PDZD4: variants seen among roughly 807,000 people sequenced by gnomAD.
PDZD4 encodes the protein PDZ domain-containing protein 4.
A neutral mutation model predicts 38.5 loss-of-function variants in PDZD4; 9 were observed. That is an observed-to-expected ratio of 0.23 (90% CI 0.14 to 0.41). PDZD4 has a LOEUF of 0.41. PDZD4 is among the 10% of genes least tolerant of loss of function. The pLI, the probability that PDZD4 is intolerant of heterozygous loss-of-function variation, is 1.00. For missense variants in PDZD4, 612 were observed against 722.0 expected (o/e 0.85, Z 1.75); for synonymous variants, 349 against 315.7 (o/e 1.11, Z -1.12).
At chrX:153,830,079 G>A in intron 1 of PDZD4, 160 bp downstream of exon 1, 1 of 563,907 alleles carries the variant, frequency 1.8e-6, no homozygotes, top group Non-Finnish European at 2.5e-6. Flanking sequence ...CCCACGGAGC[G>A]CCAACACCCA....
chrX:153,817,984 G>C (rs1207389934), intron 1 of PDZD4, among the ~76,000 whole-genome samples: 1 of 112,528 alleles, frequency 8.9e-6, no homozygotes, highest in Non-Finnish European at 1.9e-5. Context: ...GGTGGCTCAA[G>C]CCTGTAGTCC....
At chrX:153,808,157 G>C (rs1557077774) in intron 2 of PDZD4, 185 bp downstream of exon 2, 1 of 1,074,476 alleles carries the variant, frequency 9.3e-7, no homozygotes, top group Admixed American at 3.9e-5. Flanking sequence ...TAGATACAAC[G>C]GGGCGCCTGC....
At chrX:153,823,487 G>A (rs2064448878) in intron 1 of PDZD4, among the ~76,000 whole-genome samples, 1 of 109,944 alleles carries the variant, frequency 9.1e-6, no homozygotes, top group South Asian at 3.9e-4. Flanking sequence ...CAAAGTGCTG[G>A]GATTACAGGC....
chrX:153,830,232 G>A lies in PDZD4; in HGVS notation c.60+7C>T, dbSNP rs1557083480. On this transcript the variant is annotated splice_region_variant and intron_variant, in intron 1 of 7. Coordinates refer to ENST00000393758, the MANE Select transcript of PDZD4 (RefSeq NM_001303512.2). ...CCGCGCCCCCGCCGCAGCGCCGGCG[G>A]CCCTACCTGCAGCATCACTTTGTAC... 2 of 1,193,706 alleles carry A rather than the reference G, an allele frequency of 1.7e-6. No homozygotes were observed. Among genetic ancestry groups the A allele is most frequent in the Admixed American group, 2.2e-5 (1 of 44,717 alleles).
chrX:153,803,620 C>G lies in PDZD4; in HGVS notation c.2061G>C (p.Arg687=). The change falls in exon 8 of 8, where the codon CGG becomes CGC. Residue 687 remains arginine (R), a synonymous_variant. Transcript: ENST00000393758. ...CACGGGCCCGGATCAGGTGCTGCTT[C>G]CGCTCCTCCTTGCTCCAGTAGCGGC... ...KMGRYWSKEE[R]KQHLIRAREQ... 1 of 1,210,440 alleles carries G rather than the reference C, an allele frequency of 8.3e-7. No homozygotes were observed. Among genetic ancestry groups the G allele is most frequent in the East Asian group, 3.0e-5 (1 of 33,838 alleles).
intron 1 of PDZD4, among the ~76,000 whole-genome samples, chrX:153,829,233 T>A (rs1557083136): frequency 1.1e-5 from 1 of 89,096 alleles, no homozygotes; most frequent in African/African-American, 4.2e-5. Context: ...CCCGGAGTTC[T>A]CGCCGATCCC....
chrX:153,803,119 C>T lies in PDZD4; in HGVS notation c.*234G>A. On this transcript the variant is annotated 3_prime_UTR_variant, in exon 8 of 8. Coordinates refer to ENST00000393758, the MANE Select transcript of PDZD4 (RefSeq NM_001303512.2). ...GCCCATCACAGGTGTGCCCCCAGTG[C>T]TGGCCACTGGCATGGTCACTTTACT... The T allele has an allele frequency of 3.4e-6, 1 of 293,889 alleles. No homozygotes were observed. The highest frequency in any genetic ancestry group is 5.9e-6 in the Non-Finnish European group (1 of 168,085). 24.2% of individuals were successfully genotyped at this position (293,889 alleles called of 1,213,427 possible).
At chrX:153,815,660 C>A (rs1486176335) in intron 1 of PDZD4, among the ~76,000 whole-genome samples, 1 of 111,230 alleles carries the variant, frequency 9.0e-6, no homozygotes, top group African/African-American at 3.3e-5. Flanking sequence ...GGGGACCTGG[C>A]GGCCTGGAAG....
intron 1 of PDZD4, among the ~76,000 whole-genome samples, chrX:153,816,956 T>A (rs1557080107): frequency 2.7e-5 from 3 of 110,362 alleles, no homozygotes; most frequent in Non-Finnish European, 5.7e-5. Context: ...CAAGGGACAG[T>A]GAGGGCTTGA....
intron 1 of PDZD4, among the ~76,000 whole-genome samples, chrX:153,828,819 C>T (rs1472354912): frequency 8.9e-6 from 1 of 111,878 alleles, no homozygotes; most frequent in African/African-American, 3.3e-5. Flanking sequence ...AGGATGGGAT[C>T]CAGAGTCCCC....
chrX:153,824,731 G>A lies in PDZD4; in HGVS notation c.60+5508C>T, dbSNP rs782003389. Among the ~76,000 whole-genome samples the A allele has an allele frequency of 2.0e-4, 22 of 112,004 alleles. 1 individual carries two copies. The South Asian group carries it at 7.8e-3, about 40-fold the overall frequency. On this transcript the variant is annotated intron_variant, in intron 1 of 7. Transcript: ENST00000393758. ...GGGGAGCCTGGGGCCAGGCGTGGTG[G>A]CTCACTCCTGTAATCCCAGCACTTT...
rs1189445572 is a variant in PDZD4, at chrX:153,804,047, C to T, written c.1634G>A (p.Arg545Lys). Residue 545 changes from arginine (R) to lysine (K), a missense_variant, in exon 8 of 8, where the codon AGG becomes AAG. Coordinates refer to ENST00000393758, the MANE Select transcript of PDZD4 (RefSeq NM_001303512.2). Reference protein sequence around the residue: ...SLSRDPEAGRRQHAEERGRRN... With the variant: ...SLSRDPEAGRKQHAEERGRRN... The stretch of plus-strand genomic sequence containing the variant: ...GCGGCCGCGCTCCTCCGCGTGCTGC[C>T]TCCGGCCGGCCTCAGGATCCCGGGA... 3 of 1,158,502 alleles carry T rather than the reference C, an allele frequency of 2.6e-6. No individual in the cohort carries two copies. The highest frequency in any genetic ancestry group is 2.6e-5 in the Admixed American group (1 of 38,538).
chrX:153,824,126 A>G (rs1422013703), intron 1 of PDZD4, among the ~76,000 whole-genome samples: 31 of 111,534 alleles, frequency 2.8e-4, no homozygotes, highest in Admixed American at 1.9e-3. Context: ...CTTCCCCAAA[A>G]GTGTCCTCAT....
At chrX:153,808,279 G>A (rs2064274175) in intron 2 of PDZD4, 63 bp downstream of exon 2, 2 of 1,137,073 alleles carry the variant, frequency 1.8e-6, no homozygotes, top group Non-Finnish European at 2.3e-6. Context: ...CGTGCGGATG[G>A]CCGCTCCAGG....
rs782293794 is a variant in PDZD4 at position 153,805,587 on chromosome X, T to C, written c.587A>G (p.Gln196Arg). The C allele has an allele frequency of 8.3e-7, 1 of 1,207,671 alleles. No homozygotes were observed. Among genetic ancestry groups the C allele is most frequent in the African/African-American group, 1.7e-5 (1 of 57,513 alleles). ...GATGGCCACCGCCTCTTCCCGGTTCTGGACGTCTACACCGTTAATCTGAGG... is the reference window on the plus strand; with the variant it reads ...GATGGCCACCGCCTCTTCCCGGTTCCGGACGTCTACACCGTTAATCTGAGG... ...RIIQINGVDV[Q>R]NREEAVAILS... is the part of the protein sequence containing the mutation. The change falls in exon 6 of 8, where the codon CAG (glutamine) becomes CGG (arginine). Residue 196 changes from glutamine (Q) to arginine (R), a missense_variant. By Grantham distance (43) the Gln-to-Arg change is conservative. Around this residue, in one of 3 missense-constraint regions of PDZD4, gnomAD observed 225 missense variants for 311.0 expected, o/e 0.72. Transcript: ENST00000393758.
rs182209076 is a variant in PDZD4 at position 153,822,721 on chromosome X, C to T, written c.60+7518G>A. Among the ~76,000 whole-genome samples the T allele has an allele frequency of 4.8e-3, 523 of 109,600 alleles. 3 individuals are homozygous for T. Among genetic ancestry groups the T allele is most frequent in the Non-Finnish European group, 6.7e-3 (351 of 52,479 alleles). On this transcript the variant is annotated intron_variant, in intron 1 of 7. Coordinates refer to ENST00000393758, the MANE Select transcript of PDZD4 (RefSeq NM_001303512.2). ...CCAGACACAGTCTGGCTCCATTGCC[C>T]AGGCTAGAGTGCAGTGGTACAATCA...
intron 2 of PDZD4, 133 bp from the exon 3 acceptor site, chrX:153,807,502 C>G: frequency 1.5e-6 from 1 of 646,665 alleles, no homozygotes; most frequent in South Asian, 2.9e-5. Flanking sequence ...GTGGGTGGCC[C>G]AGTTGCCTCC....
intron 1 of PDZD4, chrX:153,829,740 G>A: frequency 1.3e-6 from 1 of 754,982 alleles, no homozygotes; most frequent in Non-Finnish European, 1.6e-6. Flanking sequence ...CACCCGAGAC[G>A]CCTAAGGCCC....
chrX:153,814,321 A>G (rs1175707542), intron 1 of PDZD4, among the ~76,000 whole-genome samples: 1 of 111,130 alleles, frequency 9.0e-6, no homozygotes, highest in Non-Finnish European at 1.9e-5. Flanking sequence ...TAAAAATACA[A>G]AACTTAGCCG....
Sources: gnomAD v4.1 joint callset for allele counts (sites outside exome capture counted in the v4.1 genomes callset) on GRCh38, gnomAD v4.1.1 for gene constraint, gnomAD v4.1.1 regional missense constraint, MANE v1.5 for transcripts, NCBI Gene and HGNC (gene_info 2026-07-23, HGNC 2026-07-21) for gene names.